Variants in NRXN1 observed in about 807,000 individuals in gnomAD.
NRXN1 encodes neurexin 1.
NRXN1 carries 39 observed loss-of-function variants against 150.9 expected under a neutral mutation model. The observed-to-expected ratio is 0.26, with a 90% CI of 0.20 to 0.34. NRXN1 has a LOEUF of 0.34. Among genes scored for constraint, NRXN1 ranks in the 10% least tolerant of loss-of-function variants. The pLI, the probability that NRXN1 is intolerant of heterozygous loss-of-function variation, is 1.00. For missense variants in NRXN1, 1,815 were observed against 1,949.9 expected, an observed-to-expected ratio of 0.93 and a Z score of 1.30; for synonymous variants, 924 against 757.0, an observed-to-expected ratio of 1.22 and a Z score of -3.62.
Position 50,531,487 on chromosome 2 carries a change from T to C in NRXN1, c.2144-57A>G, listed in dbSNP as rs557455153. On this transcript the variant is annotated intron_variant, in intron 10 of 22. Transcript: ENST00000401669. Reference sequence around the variant, plus strand: ...TGGATGGTATAGCGCATTAATACTTTAAAGAGGAAAAGGATCATTTATTAT... The same window carrying C: ...TGGATGGTATAGCGCATTAATACTTCAAAGAGGAAAAGGATCATTTATTAT... 1.4e-5 allele frequency: 18 copies of C among 1,314,438 alleles called. No homozygotes were observed. The East Asian group carries it at 2.2e-4, about 16-fold the overall frequency. 81.4% of individuals were successfully genotyped at this position (1,314,438 alleles called of 1,614,324 possible). A position where few individuals can be genotyped will look rare whatever the true frequency, so the allele number is the denominator to read the frequency against.
At chr2:50,636,946 G>T (rs1014031092) in intron 5 of NRXN1, among the ~76,000 whole-genome samples, 2 of 152,104 alleles carry the variant, frequency 1.3e-5, no homozygotes, top group Non-Finnish European at 2.9e-5. Flanking sequence ...CTTAATTTGA[G>T]ATTATACATA....
At chr2:50,874,821 T>C (rs73930215) in intron 5 of NRXN1, among the ~76,000 whole-genome samples, 1,620 of 151,962 alleles carry the variant, frequency 0.011, 39 homozygotes, top group African/African-American at 0.037. Context: ...TTAAGTAGGC[T>C]GACAGTCCTT....
chr2:50,471,977 C>T (rs116091915), intron 16 of NRXN1, among the ~76,000 whole-genome samples: 3 of 151,452 alleles, frequency 2.0e-5, no homozygotes, highest in Non-Finnish European at 1.5e-5. Context: ...AAGCAAGCAT[C>T]GTAGAACTGA....
At chr2:50,543,765 T>A (rs916471123) in intron 9 of NRXN1, among the ~76,000 whole-genome samples, 3 of 152,106 alleles carry the variant, frequency 2.0e-5, no homozygotes, top group African/African-American at 7.2e-5. Context: ...TTCCATAAGA[T>A]TAGTTTACAG....
chr2:50,903,871 A>T (rs1415537682), intron 5 of NRXN1, among the ~76,000 whole-genome samples: 5 of 152,230 alleles, frequency 3.3e-5, no homozygotes, highest in African/African-American at 1.2e-4. Flanking sequence ...CACAAATACA[A>T]GACAGTAAGA....
intron 5 of NRXN1, among the ~76,000 whole-genome samples, chr2:50,695,710 G>A (rs978196420): frequency 5.3e-5 from 8 of 152,148 alleles, no homozygotes; most frequent in Non-Finnish European, 1.2e-4. Flanking sequence ...ACGTGCTATA[G>A]TAGGAAGAGT....
intron 21 of NRXN1, among the ~76,000 whole-genome samples, chr2:50,002,561 T>C (rs1348154813): frequency 6.6e-6 from 1 of 152,124 alleles, no homozygotes; most frequent in Admixed American, 6.6e-5. Flanking sequence ...ACTAGAAACC[T>C]TTTTGAGAGT....
At chr2:50,546,267 C>T (rs145828552) in intron 9 of NRXN1, among the ~76,000 whole-genome samples, 1 of 152,284 alleles carries the variant, frequency 6.6e-6, no homozygotes, top group African/African-American at 2.4e-5. Context: ...AATGACCTGC[C>T]TCCATCTTTA....
chr2:50,037,973 T>C (rs563478187), intron 21 of NRXN1, among the ~76,000 whole-genome samples: 1 of 152,280 alleles, frequency 6.6e-6, no homozygotes, highest in East Asian at 1.9e-4. Context: ...TCATCTGTCA[T>C]TTGAATGTGA....
At chr2:50,723,261 T>C (rs1418213085) in intron 5 of NRXN1, among the ~76,000 whole-genome samples, 1 of 152,134 alleles carries the variant, frequency 6.6e-6, no homozygotes, top group Non-Finnish European at 1.5e-5. Flanking sequence ...AGACCTGAAA[T>C]ACAATATTTG....
chr2:50,034,283 A>G (rs186418353), intron 21 of NRXN1, among the ~76,000 whole-genome samples: 60 of 152,268 alleles, frequency 3.9e-4, no homozygotes, highest in Admixed American at 2.9e-3. Flanking sequence ...AAATTGTGGT[A>G]TATGTACACC....
rs199900418 is a variant in NRXN1, at chr2:50,254,683, AT to A, written c.3365-17714del. 7.2e-3 allele frequency among the ~76,000 whole-genome samples: 1,091 copies of A among 152,256 alleles called. 15 individuals are homozygous for A. Among genetic ancestry groups the A allele is most frequent in the African/African-American group, 0.025 (1,058 of 41,518 alleles). On this transcript the variant is annotated intron_variant, in intron 17 of 22. Transcript: ENST00000401669. ...AGTAGAAACAGTAACAGCAAAAGAA[AT>A]AAAAAAATATAACTTTGGTTTGTTT...
At chr2:50,964,206 T>A (rs1693680655) in intron 2 of NRXN1, among the ~76,000 whole-genome samples, 1 of 151,580 alleles carries the variant, frequency 6.6e-6, no homozygotes, top group Non-Finnish European at 1.5e-5. Flanking sequence ...ATGCTGTTAA[T>A]CATCTCAAAC....
intron 5 of NRXN1, chr2:50,918,320 C>T (rs917868911): frequency 3.1e-5 from 7 of 226,038 alleles, no homozygotes; most frequent in African/African-American, 9.0e-5. Flanking sequence ...TCATGAAAAT[C>T]GCAAATTCAA....
At chr2:50,773,065 A>T (rs1417847109) in intron 5 of NRXN1, among the ~76,000 whole-genome samples, 3 of 152,158 alleles carry the variant, frequency 2.0e-5, no homozygotes, top group African/African-American at 7.2e-5. Flanking sequence ...TCCCAGTAAC[A>T]AGCTGTCATA....
intron 7 of NRXN1, chr2:50,620,941 C>A: frequency 2.7e-6 from 1 of 371,920 alleles, no homozygotes. Context: ...GGGCCAGCCA[C>A]CATTTTGTCT....
intron 5 of NRXN1, among the ~76,000 whole-genome samples, chr2:50,691,468 C>T (rs567786064): frequency 1.3e-5 from 2 of 152,228 alleles, no homozygotes; most frequent in African/African-American, 4.8e-5. Flanking sequence ...ATTTTTAAAA[C>T]TCTTCAAATG....
At chr2:50,213,264 A>T (rs974595499) in intron 18 of NRXN1, among the ~76,000 whole-genome samples, 1 of 151,960 alleles carries the variant, frequency 6.6e-6, no homozygotes, top group Non-Finnish European at 1.5e-5. Flanking sequence ...ACAGAAGTGA[A>T]CCAGACAGAC....
At chr2:50,313,093 T>A (rs1488498656) in intron 17 of NRXN1, among the ~76,000 whole-genome samples, 1 of 152,100 alleles carries the variant, frequency 6.6e-6, no homozygotes, top group African/African-American at 2.4e-5. Flanking sequence ...GATATTTCTA[T>A]GGGAAGATTT....
Sources: allele counts gnomAD v4.1 joint callset (sites outside exome capture counted in the v4.1 genomes callset), GRCh38; gene constraint gnomAD v4.1.1; transcripts MANE v1.5; gene names NCBI Gene and HGNC (gene_info 2026-07-23, HGNC 2026-07-21).